SYNPR: variants seen among roughly 807,000 people sequenced by gnomAD.
The protein encoded by SYNPR is synaptoporin.
SYNPR carries 23 observed loss-of-function variants against 32.9 expected under a neutral mutation model. The ratio of observed to expected loss-of-function variants is 0.70; its 90% CI spans 0.50 to 0.99. SYNPR has a LOEUF of 0.99. SYNPR is among the 50% of genes least tolerant of loss of function. SYNPR has a pLI of 0.00. For synonymous variants in SYNPR, 146 were observed against 135.9 expected (o/e 1.07, Z -0.52); for missense variants, 318 against 349.3 (o/e 0.91, Z 0.71).
chr3:63,542,336 AC>A (rs1318121693), intron 3 of SYNPR, among the ~76,000 whole-genome samples: 1 of 152,132 alleles, frequency 6.6e-6, no homozygotes, highest in African/African-American at 2.4e-5. Flanking sequence ...AACAATACAT[AC>A]AGGTAAGCAA....
At chr3:63,460,585 A>AAG (rs1700565902) in intron 2 of SYNPR, among the ~76,000 whole-genome samples, 1 of 151,022 alleles carries the variant, frequency 6.6e-6, no homozygotes, top group Non-Finnish European at 1.5e-5. Flanking sequence ...AAAAAAAAAA[A>AAG]AAAAAAAAAA....
chr3:63,384,652 A>G (rs1284175943), intron 2 of SYNPR, among the ~76,000 whole-genome samples: 1 of 152,202 alleles, frequency 6.6e-6, no homozygotes, highest in African/African-American at 2.4e-5. Flanking sequence ...CATTTGGCAG[A>G]GTTCTTATGT....
At chr3:63,463,643 C>A (rs528553721) in intron 2 of SYNPR, among the ~76,000 whole-genome samples, 1 of 152,130 alleles carries the variant, frequency 6.6e-6, no homozygotes, top group Admixed American at 6.5e-5. Context: ...CCACCATGTC[C>A]GCATGACAAT....
At chr3:63,508,629 G>A (rs1037933102) in intron 3 of SYNPR, among the ~76,000 whole-genome samples, 1 of 152,114 alleles carries the variant, frequency 6.6e-6, no homozygotes, top group Non-Finnish European at 1.5e-5. Flanking sequence ...TCAGTTAGAC[G>A]AATCCCAGGA....
chr3:63,474,822 A>T (rs1213020346), intron 2 of SYNPR, among the ~76,000 whole-genome samples: 3 of 152,124 alleles, frequency 2.0e-5, no homozygotes, highest in Non-Finnish European at 4.4e-5. Context: ...CAGGATTGGT[A>T]CATGAAGGTT....
At chr3:63,385,849 T>C (rs559270480) in intron 2 of SYNPR, among the ~76,000 whole-genome samples, 1 of 152,192 alleles carries the variant, frequency 6.6e-6, no homozygotes, top group East Asian at 1.9e-4. Flanking sequence ...CACATACCAA[T>C]GTGCTGTGGA....
At chr3:63,391,997 T>C (rs2088144291) in intron 2 of SYNPR, among the ~76,000 whole-genome samples, 1 of 152,200 alleles carries the variant, frequency 6.6e-6, no homozygotes, top group African/African-American at 2.4e-5. Flanking sequence ...TTCTCAGACA[T>C]GAGCAGTGAG....
At chr3:63,413,401 T>C (rs138408058) in intron 2 of SYNPR, among the ~76,000 whole-genome samples, 1 of 152,310 alleles carries the variant, frequency 6.6e-6, no homozygotes, top group East Asian at 1.9e-4. Flanking sequence ...CGTTTGGTCT[T>C]AAGTTAAATA....
intron 4 of SYNPR, among the ~76,000 whole-genome samples, chr3:63,578,722 T>C (rs547053595): frequency 6.6e-6 from 1 of 152,250 alleles, no homozygotes; most frequent in Non-Finnish European, 1.5e-5. Flanking sequence ...TTTTCTTCTG[T>C]ATAATTTTAA....
intron 2 of SYNPR, among the ~76,000 whole-genome samples, chr3:63,402,871 C>A (rs2088311272): frequency 1.3e-5 from 2 of 152,124 alleles, no homozygotes; most frequent in South Asian, 4.1e-4. Flanking sequence ...TGTGGAAGTA[C>A]CAGGTGCTGT....
chr3:63,288,980 A>G (rs898069621), intron 2 of SYNPR, among the ~76,000 whole-genome samples: 2 of 152,250 alleles, frequency 1.3e-5, no homozygotes, highest in African/African-American at 4.8e-5. Flanking sequence ...CATGGAACAC[A>G]GAGCAGATTG....
chr3:63,556,585 G>A lies in SYNPR; in HGVS notation c.252G>A (p.Lys84=). The change falls in exon 4 of 6, where the codon AAG becomes AAA. Residue 84 remains lysine, a synonymous_variant. Transcript: ENST00000478300. The part of the protein sequence containing the change: ...VTFEVPTCEG[K]ERQKLALIGD... ...TTGAGGTGCCCACCTGCGAGGGAAA[G>A]GAACGGCAGAAGCTGGCATTGATTG... The A allele has an allele frequency of 6.2e-7, 1 of 1,613,624 alleles. No homozygotes were observed. The highest frequency in any genetic ancestry group is 1.1e-5 in the South Asian group (1 of 91,028).
intron 2 of SYNPR, among the ~76,000 whole-genome samples, chr3:63,404,778 A>T (rs2088338262): frequency 6.6e-6 from 1 of 152,080 alleles, no homozygotes; most frequent in Non-Finnish European, 1.5e-5. Flanking sequence ...CTCTCCTTTT[A>T]ATACAAACAA....
At chr3:63,210,874 T>C in the SYNPR span, among the ~76,000 whole-genome samples, 47 of 151,418 alleles carry the variant, frequency 3.1e-4, no homozygotes, top group Admixed American at 6.6e-4. Context: ...ACTAAACTAA[T>C]TGTATACTAA....
At chr3:63,255,308 A>G (rs2106893508) in intron 2 of SYNPR, among the ~76,000 whole-genome samples, 1 of 152,262 alleles carries the variant, frequency 6.6e-6, no homozygotes, top group Middle Eastern at 3.4e-3. Context: ...CAACCCTGCC[A>G]CAACACTCTG....
chr3:63,299,781 C>T (rs995796104), intron 2 of SYNPR, among the ~76,000 whole-genome samples: 7 of 152,090 alleles, frequency 4.6e-5, no homozygotes, highest in African/African-American at 1.2e-4. Context: ...AAATGTGGTC[C>T]TAGGCAGTTT....
chr3:63,413,562 C>A (rs1447054300), intron 2 of SYNPR, among the ~76,000 whole-genome samples: 2 of 152,060 alleles, frequency 1.3e-5, no homozygotes, highest in African/African-American at 2.4e-5. Flanking sequence ...GTGATGAGAA[C>A]AAAAATCAAG....
chr3:63,610,411 A>C, intron 5 of SYNPR: 1 of 645,290 alleles, frequency 1.5e-6, no homozygotes, highest in Non-Finnish European at 2.8e-6. Flanking sequence ...TGCTGAAAGA[A>C]CATTCTTTAG....
chr3:63,351,523 G>T (rs907757745), intron 2 of SYNPR: 29 of 152,122 alleles, frequency 1.9e-4, no homozygotes, highest in African/African-American at 6.8e-4. Context: ...TAAAACAGTA[G>T]CTCTTTTTAG....
Sources: allele counts gnomAD v4.1 joint callset (sites outside exome capture counted in the v4.1 genomes callset), GRCh38; gene constraint gnomAD v4.1.1; transcripts MANE v1.5; gene names NCBI Gene and HGNC (gene_info 2026-07-23, HGNC 2026-07-21).